Variants in CSMD1 observed in about 807,000 individuals in gnomAD.
The protein encoded by CSMD1 is CUB and Sushi multiple domains 1.
CSMD1 carries 213 observed loss-of-function variants against 417.5 expected under a neutral mutation model. The observed-to-expected ratio is 0.51, with a 90% CI of 0.46 to 0.57. CSMD1 has a LOEUF of 0.57. Among genes scored for constraint, CSMD1 ranks in the 20% least tolerant of loss-of-function variants. The pLI is 0.00. For synonymous variants in CSMD1, 2,862 were observed against 1,736.8 expected, an observed-to-expected ratio of 1.65 and a Z score of -16.11; for missense variants, 6,923 against 4,529.7, an observed-to-expected ratio of 1.53 and a Z score of -15.17.
intron 1 of CSMD1, among the ~76,000 whole-genome samples, chr8:4,937,254 G>A (rs192631690): frequency 2.6e-5 from 4 of 151,944 alleles, no homozygotes; most frequent in Admixed American, 2.6e-4. Flanking sequence ...TAAATATAAG[G>A]ACAAATCTGG....
rs1585090023 is a variant in CSMD1, at chr8:3,387,727, GATTGAAAATA to G, written c.2594-55_2594-46del. The G allele has an allele frequency of 2.0e-6, 3 of 1,498,344 alleles. No individual in the cohort carries two copies. In the East Asian group the frequency reaches 7.3e-5, roughly 37 times the overall value. 92.8% of individuals were successfully genotyped at this position (1,498,344 alleles called of 1,614,324 possible). A position where few individuals can be genotyped will look rare whatever the true frequency, so the allele number is the denominator to read the frequency against. The stretch of plus-strand genomic sequence containing the variant: ...GCAGTCGATGAGGATCTTTCTGGTT[GATTGAAAATA>G]ATAGAGACCCACGCCATCAACTACG... On this transcript the variant is annotated intron_variant, in intron 17 of 69. Transcript: ENST00000635120.
intron 1 of CSMD1, among the ~76,000 whole-genome samples, chr8:4,950,917 T>C (rs1808701856): frequency 1.3e-5 from 2 of 152,028 alleles, no homozygotes; most frequent in South Asian, 4.1e-4. Context: ...TAAAGTACCA[T>C]TCTTGACAAA....
chr8:4,202,428 A>C (rs1045598071), intron 3 of CSMD1, among the ~76,000 whole-genome samples: 1 of 152,196 alleles, frequency 6.6e-6, no homozygotes, highest in Non-Finnish European at 1.5e-5. Context: ...AAGAATGTAG[A>C]GGTCGTGGAA....
chr8:3,016,442 C>T (rs1201763342), intron 52 of CSMD1, among the ~76,000 whole-genome samples: 2 of 152,136 alleles, frequency 1.3e-5, no homozygotes, highest in Non-Finnish European at 1.5e-5. Context: ...CACATGCTGT[C>T]GCCCCCCAGC....
chr8:3,565,314 G>T (rs548701321), intron 10 of CSMD1, among the ~76,000 whole-genome samples: 2 of 149,582 alleles, frequency 1.3e-5, no homozygotes, highest in East Asian at 3.9e-4. Flanking sequence ...AGTGGCATGG[G>T]AGAAAAGTGA....
chr8:3,897,310 C>G (rs1807435109), intron 5 of CSMD1, among the ~76,000 whole-genome samples: 1 of 152,178 alleles, frequency 6.6e-6, no homozygotes, highest in African/African-American at 2.4e-5. Context: ...TGTGCAGGAG[C>G]AGTCAAATAC....
intron 10 of CSMD1, among the ~76,000 whole-genome samples, chr8:3,571,980 C>T (rs778479966): frequency 6.6e-6 from 1 of 152,118 alleles, no homozygotes; most frequent in East Asian, 1.9e-4. Context: ...TAAAGCGCAG[C>T]CTTCCTAAAC....
chr8:4,279,228 A>C (rs1326372729), intron 3 of CSMD1, among the ~76,000 whole-genome samples: 3 of 151,538 alleles, frequency 2.0e-5, no homozygotes, highest in Non-Finnish European at 4.4e-5. Flanking sequence ...ACAATTAAGC[A>C]GTCGATGGCA....
intron 1 of CSMD1, among the ~76,000 whole-genome samples, chr8:4,922,691 C>A (rs1196382853): frequency 6.6e-6 from 1 of 152,164 alleles, no homozygotes; most frequent in African/African-American, 2.4e-5. Context: ...CCCTGCAGAC[C>A]TTCAGATGAC....
At chr8:3,933,305 A>C (rs983203708) in intron 5 of CSMD1, among the ~76,000 whole-genome samples, 1 of 152,188 alleles carries the variant, frequency 6.6e-6, no homozygotes, top group African/African-American at 2.4e-5. Context: ...AAATATATTT[A>C]TTTGTTAACT....
At chr8:3,904,103 T>C (rs2688401) in intron 5 of CSMD1, among the ~76,000 whole-genome samples, 5,519 of 152,286 alleles carry the variant, frequency 0.036, 336 homozygotes, top group African/African-American at 0.13. Flanking sequence ...ATTTTGTTTA[T>C]GCCTAATGAA....
chr8:3,564,549 G>GTGTGTGTGTGTGTGTA (rs752767680), intron 10 of CSMD1, among the ~76,000 whole-genome samples: 1 of 149,480 alleles, frequency 6.7e-6, no homozygotes, highest in Non-Finnish European at 1.5e-5. Context: ...GTGTGTGTGT[G>GTGTGTGTGTGTGTGTA]TATAATACAT....
intron 2 of CSMD1, among the ~76,000 whole-genome samples, chr8:4,596,256 T>C (rs976209815): frequency 1.3e-5 from 2 of 152,150 alleles, no homozygotes; most frequent in Non-Finnish European, 2.9e-5. Flanking sequence ...ATATTAACTA[T>C]TGTTAAGTAA....
intron 49 of CSMD1, among the ~76,000 whole-genome samples, chr8:3,084,495 C>T (rs2013248): frequency 6.8e-6 from 1 of 146,172 alleles, no homozygotes; most frequent in Non-Finnish European, 1.5e-5. Context: ...TTGTACTCTA[C>T]CCTGGGCAAC....
intron 1 of CSMD1, among the ~76,000 whole-genome samples, chr8:4,945,980 A>G (rs1808343089): frequency 6.6e-6 from 1 of 152,170 alleles, no homozygotes; most frequent in African/African-American, 2.4e-5. Context: ...AGGCTCCAGA[A>G]GACACGGTAG....
intron 2 of CSMD1, among the ~76,000 whole-genome samples, chr8:4,446,749 G>C (rs1369102447): frequency 1.9e-5 from 2 of 106,896 alleles, no homozygotes; most frequent in Non-Finnish European, 3.7e-5. Flanking sequence ...GTGTGTGTGT[G>C]TGTGTCTGTG....
At chr8:4,936,686 G>C (rs550186564) in intron 1 of CSMD1, among the ~76,000 whole-genome samples, 4 of 152,252 alleles carry the variant, frequency 2.6e-5, no homozygotes, top group South Asian at 2.1e-4. Flanking sequence ...TCTATGACTA[G>C]TAAATATTTC....
At chr8:3,549,820 C>T (rs143437823) in intron 10 of CSMD1, among the ~76,000 whole-genome samples, 1,707 of 152,196 alleles carry the variant, frequency 0.011, 29 homozygotes, top group African/African-American at 0.039. Flanking sequence ...CTCTATAAAC[C>T]ACCCAATTTC....
chr8:3,101,157 T>C (rs1386649425), intron 46 of CSMD1, among the ~76,000 whole-genome samples: 2 of 151,598 alleles, frequency 1.3e-5, no homozygotes, highest in Non-Finnish European at 2.9e-5. Flanking sequence ...ACCTTTAAAG[T>C]CAGGTCCTAG....
Sources: allele counts gnomAD v4.1 joint callset (sites outside exome capture counted in the v4.1 genomes callset), GRCh38; gene constraint gnomAD v4.1.1; transcripts MANE v1.5; gene names NCBI Gene and HGNC (gene_info 2026-07-23, HGNC 2026-07-21).